Variants in ZNF236 observed in about 807,000 individuals in gnomAD.
ZNF236 encodes the protein regulated by glucose.
Under a neutral mutation model 191.2 loss-of-function variants are expected in ZNF236, and 50 were observed. The observed-to-expected ratio is 0.26, with a 90% CI of 0.21 to 0.33. The LOEUF (loss-of-function observed/expected upper bound fraction) is 0.33. Among genes scored for constraint, ZNF236 ranks in the 10% least tolerant of loss-of-function variants. The pLI is 1.00. For synonymous variants in ZNF236, 907 were observed against 928.8 expected, an observed-to-expected ratio of 0.98 and a Z score of 0.43; for missense variants, 1,754 against 2,374.5, an observed-to-expected ratio of 0.74 and a Z score of 5.43.
At chr18:76,881,917 G>C (rs1976913661) in intron 9 of ZNF236, among the ~76,000 whole-genome samples, 1 of 152,102 alleles carries the variant, frequency 6.6e-6, no homozygotes, top group Non-Finnish European at 1.5e-5. Context: ...GATTTTAGTA[G>C]CCTCTGACTA....
chr18:76,929,797 A>G (rs1217081990), intron 25 of ZNF236, among the ~76,000 whole-genome samples: 1 of 152,236 alleles, frequency 6.6e-6, no homozygotes, highest in African/African-American at 2.4e-5. Flanking sequence ...CATTTAATTT[A>G]TGGTAACCTG....
intron 3 of ZNF236, among the ~76,000 whole-genome samples, chr18:76,864,285 C>T (rs891116588): frequency 2.0e-5 from 3 of 151,442 alleles, no homozygotes; most frequent in African/African-American, 7.3e-5. Context: ...CTGCAACCTC[C>T]GTCTCCTGGA....
At chr18:76,943,134 AAAAAAAAAG>A (rs1968177190) in intron 26 of ZNF236, among the ~76,000 whole-genome samples, 1 of 151,206 alleles carries the variant, frequency 6.6e-6, no homozygotes, top group Non-Finnish European at 1.5e-5. Flanking sequence ...AAAAAAAAAA[AAAAAAAAAG>A]AAGAGCAAAT....
At position 76,875,739 on chromosome 18, in the gene ZNF236, G is replaced by A; in HGVS notation, c.840+75G>A. 7.7e-7 allele frequency: 1 copy of A among 1,294,826 alleles called. No individual in the cohort carries two copies. The highest frequency in any genetic ancestry group is 1.0e-6 in the Non-Finnish European group (1 of 1,003,838). 80.2% of individuals were successfully genotyped at this position (1,294,826 alleles called of 1,614,324 possible). On this transcript the variant is annotated intron_variant, in intron 6 of 30. Coordinates refer to ENST00000320610, the MANE Select transcript of ZNF236 (RefSeq NM_001306089.2). This position sits in a 1 kb window ranked among gnomAD's most constrained non-coding sequence, Gnocchi z 4.3. ...ATCTTTTGGGTTAATAAACGGACCT[G>A]AGAAATTCTTTTCCATTTAAAAAAA... is the stretch of plus-strand genomic sequence containing the variant.
chr18:76,877,425 T>C (rs1976748422), intron 6 of ZNF236, among the ~76,000 whole-genome samples: 1 of 152,048 alleles, frequency 6.6e-6, no homozygotes, highest in African/African-American at 2.4e-5. Context: ...GGAGAATCAC[T>C]TGACCTGGGA....
Position 76,921,478 on chromosome 18 carries a change from A to G in ZNF236, c.3557+1420A>G, listed in dbSNP as rs114858924. On this transcript the variant is annotated intron_variant, in intron 20 of 30. Transcript: ENST00000320610. Reference sequence around the variant, plus strand: ...TAAGAAGGAGTCCAGTCTGGCCAGCAGTTGTGTGTGGCCTGGAGGAACTCA... The same window carrying G: ...TAAGAAGGAGTCCAGTCTGGCCAGCGGTTGTGTGTGGCCTGGAGGAACTCA... Among the ~76,000 whole-genome samples the G allele has an allele frequency of 3.7e-3, 557 of 152,300 alleles. 3 individuals carry two copies. The highest frequency in any genetic ancestry group is 0.013 in the African/African-American group (531 of 41,560).
chr18:76,895,540 C>T (rs1296116117), intron 10 of ZNF236, among the ~76,000 whole-genome samples: 1 of 151,640 alleles, frequency 6.6e-6, no homozygotes, highest in Non-Finnish European at 1.5e-5. Flanking sequence ...CAGTACCCAA[C>T]ACAGCAATGT....
At chr18:76,838,844 T>C (rs530893101) in intron 1 of ZNF236, among the ~76,000 whole-genome samples, 1 of 152,320 alleles carries the variant, frequency 6.6e-6, no homozygotes, top group South Asian at 2.1e-4. Context: ...AAAGAAGACA[T>C]TAAGTGGCAC....
chr18:76,968,147 T>A (rs1968828860), intron 30 of ZNF236, 68 bp from the exon 31 acceptor site: 4 of 1,580,290 alleles, frequency 2.5e-6, no homozygotes, highest in Non-Finnish European at 3.5e-6. Flanking sequence ...AAGTCTTTAT[T>A]TAAATAGGAA....
intron 15 of ZNF236, among the ~76,000 whole-genome samples, chr18:76,910,424 A>G (rs1327845634): frequency 1.3e-5 from 2 of 152,180 alleles, no homozygotes; most frequent in African/African-American, 4.8e-5. Context: ...CTGAGTAGAA[A>G]TTGGAACTTC....
At chr18:76,920,192 T>C (rs1322346961) in intron 20 of ZNF236, 134 bp downstream of exon 20, 1 of 1,012,490 alleles carries the variant, frequency 9.9e-7, no homozygotes, top group Non-Finnish European at 1.4e-6. Flanking sequence ...GGCAGCTTAC[T>C]TACTTGAATG....
At chr18:76,823,465 A>G (rs1299771862) in intron 1 of ZNF236, among the ~76,000 whole-genome samples, 2 of 144,756 alleles carry the variant, frequency 1.4e-5, no homozygotes, top group Non-Finnish European at 3.0e-5. Context: ...GGTAGCTTGA[A>G]CCTGGAGCTT....
At chr18:76,882,995 C>T (rs959305480) in intron 9 of ZNF236, among the ~76,000 whole-genome samples, 2 of 152,218 alleles carry the variant, frequency 1.3e-5, no homozygotes, top group Admixed American at 1.3e-4. Context: ...ACATGGGCAG[C>T]AAGCCACTGA....
intron 19 of ZNF236, among the ~76,000 whole-genome samples, chr18:76,916,939 T>C (rs1967382987): frequency 6.6e-6 from 1 of 152,202 alleles, no homozygotes; most frequent in African/African-American, 2.4e-5. Flanking sequence ...TGCCACCATC[T>C]GACCGAAAGA....
At chr18:76,894,760 G>A (rs1977350299) in intron 9 of ZNF236, among the ~76,000 whole-genome samples, 2 of 152,180 alleles carry the variant, frequency 1.3e-5, no homozygotes, top group African/African-American at 4.8e-5. Flanking sequence ...GTGTCCTGGT[G>A]CCGCTGGACC....
intron 3 of ZNF236, among the ~76,000 whole-genome samples, chr18:76,855,119 T>G (rs1976005710): frequency 6.6e-6 from 1 of 152,138 alleles, no homozygotes; most frequent in South Asian, 2.1e-4. Context: ...AGACGGGGTT[T>G]CGCCATGTTG....
chr18:76,936,470 C>A, intron 25 of ZNF236: 1 of 452,430 alleles, frequency 2.2e-6, no homozygotes, highest in South Asian at 1.6e-5. Flanking sequence ...CAGATACTTT[C>A]GTTTCTCTTA....
At chr18:76,828,727 C>T (rs1005431784) in intron 1 of ZNF236, among the ~76,000 whole-genome samples, 1 of 151,922 alleles carries the variant, frequency 6.6e-6, no homozygotes, top group Admixed American at 6.5e-5. Flanking sequence ...TATGCAGTGG[C>T]GTGATCTGGG....
chr18:76,904,508 A>G lies in ZNF236; in HGVS notation c.2023A>G (p.Lys675Glu). Residue 675 changes from lysine to glutamate, a missense_variant, in exon 12 of 31, where the codon AAA (lysine) becomes GAA (glutamate). Physicochemically the swap from Lys to Glu is moderately conservative, Grantham distance 56. Transcript: ENST00000320610. ...HRAYKKSCHL[K>E]QHIRSHTGEK... ...TGCATATAAAAAATCTTGCCACCTT[A>G]AACAACACATCAGGTAAGGTAACGG... 6.2e-7 allele frequency: 1 copy of G among 1,603,686 alleles called. No individual in the cohort carries two copies. Among genetic ancestry groups the G allele is most frequent in the Non-Finnish European group, 8.5e-7 (1 of 1,175,444 alleles).
Sources: allele counts gnomAD v4.1 joint callset (sites outside exome capture counted in the v4.1 genomes callset), GRCh38; gene constraint gnomAD v4.1.1; non-coding constraint Gnocchi (gnomAD v3.1); transcripts MANE v1.5; gene names NCBI Gene and HGNC (gene_info 2026-07-23, HGNC 2026-07-21).